Variants in SRPK2 observed in about 807,000 individuals in gnomAD.
The protein encoded by SRPK2 is SFRS protein kinase 2.
SRPK2 carries 21 observed loss-of-function variants against 90.8 expected under a neutral mutation model. The ratio of observed to expected loss-of-function variants is 0.23; its 90% confidence interval spans 0.16 to 0.33. The LOEUF (loss-of-function observed/expected upper bound fraction) is 0.33. SRPK2 is among the 10% of genes least tolerant of loss of function. The pLI is 1.00. For missense variants in SRPK2, 620 were observed against 869.0 expected, an observed-to-expected ratio of 0.71 and a Z score of 3.60; for synonymous variants, 288 against 311.1, an observed-to-expected ratio of 0.93 and a Z score of 0.78.
intron 2 of SRPK2, among the ~76,000 whole-genome samples, chr7:105,307,628 C>T (rs1279540821): frequency 2.0e-5 from 3 of 152,178 alleles, no homozygotes; most frequent in Non-Finnish European, 4.4e-5. Context: ...CAATGCCCCA[C>T]AGCTGTTAAA....
intron 2 of SRPK2, among the ~76,000 whole-genome samples, chr7:105,349,838 AAGCG>A: frequency 6.6e-6 from 1 of 151,836 alleles, no homozygotes; most frequent in African/African-American, 2.4e-5. Flanking sequence ...TCCCAGGTTC[AAGCG>A]ATTCTCCTGC....
At chr7:105,231,566 C>A (rs552620717) in intron 2 of SRPK2, among the ~76,000 whole-genome samples, 2 of 152,156 alleles carry the variant, frequency 1.3e-5, no homozygotes, top group African/African-American at 2.4e-5. Context: ...TCCGCAATCT[C>A]GCCAGCATCT....
At chr7:105,282,566 G>A (rs1807489139) in intron 2 of SRPK2, among the ~76,000 whole-genome samples, 1 of 152,174 alleles carries the variant, frequency 6.6e-6, no homozygotes, top group East Asian at 1.9e-4. Flanking sequence ...GCATTGGGAG[G>A]CCAAGGTGGG....
intron 3 of SRPK2, among the ~76,000 whole-genome samples, chr7:105,170,794 A>AAGGAC (rs1563024498): frequency 3.4e-4 from 25 of 74,536 alleles, no homozygotes; most frequent in Non-Finnish European, 5.0e-4. Context: ...GGAGGGAGGG[A>AAGGAC]GGGAGGGAGG....
intron 2 of SRPK2, among the ~76,000 whole-genome samples, chr7:105,350,432 C>T (rs917276724): frequency 6.6e-6 from 1 of 151,020 alleles, no homozygotes; most frequent in African/African-American, 2.4e-5. Flanking sequence ...CCTGGCCGAA[C>T]AGTGCCTATC....
chr7:105,295,394 C>A (rs904590926), intron 2 of SRPK2, among the ~76,000 whole-genome samples: 1 of 151,886 alleles, frequency 6.6e-6, no homozygotes, highest in African/African-American at 2.4e-5. Flanking sequence ...ATGAATAAGA[C>A]TATCTTGGAT....
chr7:105,338,289 G>T (rs1287545450), intron 2 of SRPK2, among the ~76,000 whole-genome samples: 1 of 152,136 alleles, frequency 6.6e-6, no homozygotes, highest in Admixed American at 6.6e-5. Flanking sequence ...CTCCCAGGCT[G>T]CAGTAGCATG....
chr7:105,396,713 GA>G (rs1822332376), intron 1 of SRPK2, among the ~76,000 whole-genome samples: 1 of 149,524 alleles, frequency 6.7e-6, no homozygotes, highest in Non-Finnish European at 1.5e-5. Flanking sequence ...GGAGGAAGGG[GA>G]GGGGGAGGGG....
In SRPK2 at chr7:105,380,929, A is replaced by C. The variant is rs375286035; in HGVS notation, c.71+7719T>G. 6.3e-5 allele frequency among the ~76,000 whole-genome samples: 9 copies of C among 142,620 alleles called. No homozygotes were observed. The East Asian group carries it at 1.7e-3, about 26-fold the overall frequency. 93.6% of individuals were successfully genotyped at this position (142,620 alleles called of 152,430 possible). A position where few individuals can be genotyped will look rare whatever the true frequency, so the allele number is the denominator to read the frequency against. ...CTGTACTGAATTTTTTACCATGACC[A>C]TATTACTTTTATTACTTTAAAAAAA... On this transcript the variant is annotated intron_variant, in intron 2 of 15. Transcript: ENST00000393651.
chr7:105,212,463 G>T (rs1796974119), intron 2 of SRPK2, among the ~76,000 whole-genome samples: 1 of 152,190 alleles, frequency 6.6e-6, no homozygotes, highest in Non-Finnish European at 1.5e-5. Context: ...ACTGCAGGAG[G>T]TCCATGTCTC....
At chr7:105,366,329 T>C (rs1235284931) in intron 2 of SRPK2, among the ~76,000 whole-genome samples, 3 of 151,808 alleles carry the variant, frequency 2.0e-5, no homozygotes, top group Admixed American at 6.6e-5. Context: ...ACAGTGACTT[T>C]GCTTTTTCTC....
At chr7:105,394,149 T>C (rs543474254), upstream of SRPK2, among the ~76,000 whole-genome samples, 4 of 149,330 alleles carry the variant, frequency 2.7e-5, no homozygotes, top group East Asian at 4.3e-4. Flanking sequence ...TTCTTTCTTT[T>C]TTTTTTTTTT....
chr7:105,203,634 A>C lies in SRPK2; in HGVS notation c.223T>G (p.Cys75Gly). ...DEEQEDPADY[C>G]KGGYHPVKIG... ...ACCATGCTTGGCACATCACCTTTGC[A>C]GTAGTCCGCAGGGTCCTCTTGCTCC... The change falls in exon 3 of 16, where the codon TGC (cysteine) becomes GGC (glycine). Residue 75 changes from cysteine to glycine, a missense_variant. Around this residue, in one of 8 missense-constraint regions of SRPK2, gnomAD observed 196 missense variants for 339.2 expected, o/e 0.58. Transcript: ENST00000393651. 1 of 1,505,554 alleles carries C rather than the reference A, an allele frequency of 6.6e-7. No homozygotes were observed. The highest frequency in any genetic ancestry group is 2.5e-5 in the East Asian group (1 of 40,798). The allele number at this position is 1,505,554 out of a possible 1,614,324, so 93.3% of individuals were successfully genotyped here. A position where few individuals can be genotyped will look rare whatever the true frequency, so the allele number is the denominator to read the frequency against.
rs1248245096 is a variant in SRPK2, at chr7:105,369,125, T to TTTTTTATTATTA, written c.71+19522_71+19523insTAATAATAAAAA. Among the ~76,000 whole-genome samples, 8 of 143,322 alleles carry TTTTTTATTATTA rather than the reference T, an allele frequency of 5.6e-5. No homozygotes were observed. In the South Asian group the frequency reaches 8.9e-4, roughly 16 times the overall value. The allele number at this position is 143,322 out of a possible 152,430, so 94.0% of individuals were successfully genotyped here. ...TAATAGAGTTCTACACAAGATTTATTTTATTATTATTATTATTATTATTAT... is the reference window on the plus strand; with the variant it reads ...TAATAGAGTTCTACACAAGATTTATTTTTTTATTATTATTATTATTATTATTATTATTATTAT... On this transcript the variant is annotated intron_variant, in intron 2 of 15. Coordinates refer to ENST00000393651, the MANE Select transcript of SRPK2 (RefSeq NM_182692.3).
chr7:105,119,121 T>TG (rs777373156), intron 15 of SRPK2, among the ~76,000 whole-genome samples: 3 of 151,712 alleles, frequency 2.0e-5, no homozygotes, highest in Admixed American at 6.6e-5. Flanking sequence ...CAGGTCTCGG[T>TG]GGGGGGAGAG....
At chr7:105,258,853 C>T (rs550400540) in intron 2 of SRPK2, among the ~76,000 whole-genome samples, 4 of 152,284 alleles carry the variant, frequency 2.6e-5, no homozygotes, top group East Asian at 3.9e-4. Flanking sequence ...ATGCTAAAAA[C>T]GCTCAGTAAA....
intron 2 of SRPK2, among the ~76,000 whole-genome samples, chr7:105,227,249 G>A (rs960628095): frequency 7.9e-5 from 12 of 152,250 alleles, no homozygotes; most frequent in East Asian, 5.8e-4. Context: ...GAGTAAGTTC[G>A]TTAGTGGTGA....
At chr7:105,232,216 C>T (rs908669871) in intron 2 of SRPK2, among the ~76,000 whole-genome samples, 2 of 152,046 alleles carry the variant, frequency 1.3e-5, no homozygotes, top group Non-Finnish European at 1.5e-5. Context: ...TCTGTAAGCC[C>T]GGCACTTTGG....
chr7:105,246,860 T>A (rs17778396), intron 2 of SRPK2, among the ~76,000 whole-genome samples: 27,735 of 152,146 alleles, frequency 0.18, 3,192 homozygotes, highest in East Asian at 0.58. Flanking sequence ...CAGAGAGAAA[T>A]GGATTCCACT....
Sources: allele counts gnomAD v4.1 joint callset (sites outside exome capture counted in the v4.1 genomes callset), GRCh38; gene constraint gnomAD v4.1.1; regional missense constraint gnomAD v4.1.1; transcripts MANE v1.5; gene names NCBI Gene and HGNC (gene_info 2026-07-23, HGNC 2026-07-21).